The following ZNF516 variants were observed in gnomAD, a reference collection of about 807,000 sequenced individuals.
ZNF516 encodes the protein zinc finger protein 516.
Under a neutral mutation model 79.7 loss-of-function variants are expected in ZNF516, and 19 were observed. The observed-to-expected ratio is 0.24, with a 90% CI of 0.17 to 0.35. ZNF516 has a LOEUF of 0.35. ZNF516 is among the 10% of genes least tolerant of loss of function. The pLI, the probability that ZNF516 is intolerant of heterozygous loss-of-function variation, is 1.00. For missense variants in ZNF516, 1,678 were observed against 1,679.5 expected, an observed-to-expected ratio of 1.00 and a Z score of 0.02; for synonymous variants, 877 against 739.5, an observed-to-expected ratio of 1.19 and a Z score of -3.02.
At chr18:76,446,957 G>C (rs1156627506) in intron 2 of ZNF516, among the ~76,000 whole-genome samples, 1 of 152,186 alleles carries the variant, frequency 6.6e-6, no homozygotes, top group Non-Finnish European at 1.5e-5. Flanking sequence ...AAGGACACGT[G>C]AGCAAAGCTG....
At chr18:76,378,742 G>T (rs1156901245) in intron 4 of ZNF516, 113 bp downstream of exon 4, 5 of 1,432,832 alleles carry the variant, frequency 3.5e-6, no homozygotes, top group African/African-American at 2.9e-5. Flanking sequence ...GATGGGGCCG[G>T]CTGGCTCTGT....
intron 3 of ZNF516, among the ~76,000 whole-genome samples, chr18:76,422,806 A>G (rs1458414823): frequency 6.6e-6 from 1 of 152,154 alleles, no homozygotes; most frequent in African/African-American, 2.4e-5. Flanking sequence ...AACAGGTTAG[A>G]AAGAAATCTC....
intron 1 of ZNF516, among the ~76,000 whole-genome samples, chr18:76,481,358 C>T (rs1301538548): frequency 6.6e-6 from 1 of 152,232 alleles, no homozygotes; most frequent in African/African-American, 2.4e-5. Context: ...TCCCAACCCC[C>T]TCTTGGATGA....
At chr18:76,437,838 T>A (rs2075764183) in intron 3 of ZNF516, among the ~76,000 whole-genome samples, 1 of 152,248 alleles carries the variant, frequency 6.6e-6, no homozygotes, top group Non-Finnish European at 1.5e-5. Context: ...ATTTTCAGGC[T>A]GTGGTTGCTT....
At chr18:76,452,756 T>A (rs765975168) in intron 2 of ZNF516, among the ~76,000 whole-genome samples, 1 of 152,188 alleles carries the variant, frequency 6.6e-6, no homozygotes, top group Non-Finnish European at 1.5e-5. Context: ...AAGCTGCCCG[T>A]GTGTCCTTTT....
At chr18:76,378,335 C>T (rs2037976830) in intron 4 of ZNF516, 1 of 152,304 alleles carries the variant, frequency 6.6e-6, no homozygotes, top group South Asian at 2.1e-4. Flanking sequence ...TATGGTACAT[C>T]GATCCTCTGC....
chr18:76,448,026 T>C lies in ZNF516; in HGVS notation c.-157-4815A>G, dbSNP rs1159221703. Among the ~76,000 whole-genome samples the C allele has an allele frequency of 4.6e-5, 7 of 152,278 alleles. 1 individual carries two copies. In the Middle Eastern group the frequency reaches 0.01, roughly 222 times the overall value. ...TTGAAAAACTTAGGTAACAATCACA[T>C]TTATTAAAAAACAGGAAGTAAAATG... On this transcript the variant is annotated intron_variant, in intron 2 of 6. Coordinates refer to ENST00000443185, the MANE Select transcript of ZNF516 (RefSeq NM_014643.4).
intron 1 of ZNF516, among the ~76,000 whole-genome samples, chr18:76,465,392 G>GA (rs1000140998): frequency 5.3e-5 from 8 of 152,330 alleles, no homozygotes; most frequent in African/African-American, 1.9e-4. Context: ...ACTCAAAGGA[G>GA]AAAGAGGCCT....
chr18:76,424,181 T>C (rs2554837), intron 3 of ZNF516, among the ~76,000 whole-genome samples: 491 of 21,914 alleles, frequency 0.022, 75 homozygotes, highest in South Asian at 0.031. Flanking sequence ...ATGAAACACA[T>C]GCAGGTGAAA....
At chr18:76,426,801 T>A (rs1463576323) in intron 3 of ZNF516, among the ~76,000 whole-genome samples, 2 of 152,176 alleles carry the variant, frequency 1.3e-5, no homozygotes, top group African/African-American at 4.8e-5. Flanking sequence ...AAGAAAAAGC[T>A]AGGGAGCACC....
chr18:76,441,753 G>C lies in ZNF516; in HGVS notation c.1302C>G (p.Leu434=), dbSNP rs1387153772. The C allele has an allele frequency of 1.9e-6, 3 of 1,570,876 alleles. No individual in the cohort carries two copies. Among genetic ancestry groups the C allele is most frequent in the Non-Finnish European group, 2.6e-6 (3 of 1,164,228 alleles). The change falls in exon 3 of 7, where the codon CTC becomes CTG. Residue 434 remains leucine (L), a synonymous_variant. Transcript: ENST00000443185. The part of the protein sequence containing the change: ...RGKVAEPAEY[L]KYGAWDEALA... ...GCGCCTCGTCCCAGGCCCCGTACTT[G>C]AGGTACTCGGCCGGCTCGGCCACCT...
In ZNF516 at chr18:76,379,298, G is replaced by A. The variant is rs566240823; in HGVS notation, c.2816C>T (p.Ala939Val). 1.6e-5 allele frequency: 26 copies of A among 1,608,794 alleles called. 2 individuals are homozygous for A. In the South Asian group the frequency reaches 2.9e-4, roughly 18 times the overall value. The change falls in exon 4 of 7, where the codon GCT becomes GTT. Residue 939 changes from alanine (A) to valine (V), a missense_variant. By Grantham distance (64) the Ala-to-Val change is moderately conservative. This residue lies in a region of ZNF516 where 1,294 missense variants were observed against 1,248.3 expected (regional missense o/e 1.04). Coordinates refer to ENST00000443185, the MANE Select transcript of ZNF516 (RefSeq NM_014643.4). The part of the protein sequence containing the change: ...ATPTPTVIAR[A>V]GAQPSANSKP... ...GCTATTGGCCGAGGGCTGCGCGCCAGCCCGGGCGATGACGGTGGGCGTAGG... is the reference window on the plus strand; with the variant it reads ...GCTATTGGCCGAGGGCTGCGCGCCAACCCGGGCGATGACGGTGGGCGTAGG...
chr18:76,425,000 CT>C (rs201103818), intron 3 of ZNF516, among the ~76,000 whole-genome samples: 3 of 149,968 alleles, frequency 2.0e-5, no homozygotes, highest in Non-Finnish European at 4.5e-5. Context: ...AAGGCTCCCC[CT>C]GAAACACACA....
chr18:76,430,927 A>G (rs1365019222), intron 3 of ZNF516, among the ~76,000 whole-genome samples: 1 of 152,206 alleles, frequency 6.6e-6, no homozygotes. Context: ...CTGTAAATGG[A>G]TATCGCTATG....
At chr18:76,423,042 A>C (rs1213692220) in intron 3 of ZNF516, among the ~76,000 whole-genome samples, 2 of 152,198 alleles carry the variant, frequency 1.3e-5, no homozygotes, top group Non-Finnish European at 2.9e-5. Flanking sequence ...TGGGCTGTGC[A>C]CACCGCAGGA....
rs769423904 is a variant in ZNF516, at chr18:76,442,020, T to G, written c.1035A>C (p.Thr345=). The G allele has an allele frequency of 1.9e-6, 3 of 1,613,878 alleles. No homozygotes were observed. The East Asian group carries it at 6.7e-5, about 36-fold the overall frequency. Residue 345 remains threonine, a synonymous_variant, in exon 3 of 7, where the codon ACA becomes ACC. Coordinates refer to ENST00000443185, the MANE Select transcript of ZNF516 (RefSeq NM_014643.4). ...TGTGGGCGTTCAAGCTGTCCAGGTT[T>G]GTAAACAGGTTCCCGCACTTGGCGC... ...EVCAKCGNLF[T]NLDSLNAHNA...
Position 76,493,120 on chromosome 18 carries a change from CCCTA to C in ZNF516, c.-272+2020_-272+2023del. ...CCTTTTTTTTTTTTCCTCCTCTCCT[CCCTA>C]CCGTTTCATTTAATGGTAAAACAAC... On this transcript the variant is annotated intron_variant, in intron 1 of 6. Coordinates refer to ENST00000443185, the MANE Select transcript of ZNF516 (RefSeq NM_014643.4). This position sits in a 1 kb window ranked among gnomAD's most constrained non-coding sequence, Gnocchi z 5.2. 1.0e-6 allele frequency: 1 copy of C among 985,212 alleles called. No individual in the cohort carries two copies. The highest frequency in any genetic ancestry group is 1.1e-4 in the East Asian group (1 of 8,820). 61.0% of individuals were successfully genotyped at this position (985,212 alleles called of 1,614,324 possible).
chr18:76,384,224 C>A (rs2074941123), intron 3 of ZNF516, among the ~76,000 whole-genome samples: 2 of 151,964 alleles, frequency 1.3e-5, no homozygotes, highest in South Asian at 4.1e-4. Flanking sequence ...ACACCCCCAA[C>A]AGGTGGCAGC....
At chr18:76,453,828 G>A (rs943006482) in intron 2 of ZNF516, among the ~76,000 whole-genome samples, 3 of 152,158 alleles carry the variant, frequency 2.0e-5, no homozygotes, top group Admixed American at 6.5e-5. Flanking sequence ...AAATTTCTAT[G>A]AGTTATCATA....
Sources: gnomAD v4.1 joint callset for allele counts (sites outside exome capture counted in the v4.1 genomes callset) on GRCh38, gnomAD v4.1.1 for gene constraint, gnomAD v4.1.1 regional missense constraint, Gnocchi (gnomAD v3.1) non-coding constraint, MANE v1.5 for transcripts, NCBI Gene and HGNC (gene_info 2026-07-23, HGNC 2026-07-21) for gene names.